Variants in MROH2A observed in about 807,000 individuals in gnomAD.
The protein encoded by MROH2A is maestro heat like repeat family member 2A.
A neutral mutation model predicts 200.4 loss-of-function variants in MROH2A; 174 were observed. That is an observed-to-expected ratio of 0.87 (90% CI 0.77 to 0.98). The LOEUF (loss-of-function observed/expected upper bound fraction) is 0.98. Ranked by LOEUF, MROH2A falls within the 50% of genes least tolerant of loss-of-function variation. MROH2A has a pLI of 0.00. For missense variants in MROH2A, 2,045 were observed against 2,139.6 expected, an observed-to-expected ratio of 0.96 and a Z score of 0.87; for synonymous variants, 829 against 840.4, an observed-to-expected ratio of 0.99 and a Z score of 0.23.
chr2:233,816,884 G>C lies in MROH2A; in HGVS notation c.2960G>C (p.Cys987Ser). 1 of 1,534,818 alleles carries C rather than the reference G, an allele frequency of 6.5e-7. No individual in the cohort carries two copies. Among genetic ancestry groups the C allele is most frequent in the Non-Finnish European group, 8.8e-7 (1 of 1,133,028 alleles). The change falls in exon 27 of 42, where the codon TGT becomes TCT. Residue 987 changes from cysteine (C) to serine (S), a missense_variant and splice_region_variant. Physicochemically the swap from Cys to Ser is moderately radical, Grantham distance 112. This residue lies in a region of MROH2A where 1,201 missense variants were observed against 1,311.3 expected (regional missense o/e 0.92). Coordinates refer to ENST00000389758, the MANE Select transcript of MROH2A (RefSeq NM_001394639.1). ...MWIYVHSTAVCIHLKLGQFGT... is the reference protein window; with the variant it reads ...MWIYVHSTAVSIHLKLGQFGT... ...ATTTATGTCCACAGCACTGCTGTCT[G>C]TGTGAGTCCAGGAGTCCCCAGCCCC...
rs755188300 is a variant in MROH2A at position 233,820,889 on chromosome 2, G to C, written c.3512+833G>C. On this transcript the variant is annotated intron_variant, in intron 31 of 41. Transcript: ENST00000389758. The surrounding 1 kb of genome is among the most constrained non-coding windows in gnomAD (Gnocchi z 4.1). Reference sequence around the variant, plus strand: ...TGCTTCTCATAAGGGCAGCCCTGCCGTGGGTCCAGCTGGGAGGGTGGTGCA... The same window carrying C: ...TGCTTCTCATAAGGGCAGCCCTGCCCTGGGTCCAGCTGGGAGGGTGGTGCA... Among the ~76,000 whole-genome samples, 9 of 152,200 alleles carry C rather than the reference G, an allele frequency of 5.9e-5. No homozygotes were observed. Among genetic ancestry groups the C allele is most frequent in the Non-Finnish European group, 8.8e-5 (6 of 68,040 alleles).
chr2:233,798,857 G>A lies in MROH2A; in HGVS notation c.1329+7G>A. On this transcript the variant is annotated splice_region_variant and intron_variant, in intron 12 of 41. Transcript: ENST00000389758. ...CTCTGATACCCGGTCCAAGGTAACAGGGCAGAGACCTGGAAATGGGGGGCA... is the reference window on the plus strand; with the variant it reads ...CTCTGATACCCGGTCCAAGGTAACAAGGCAGAGACCTGGAAATGGGGGGCA... 1 of 1,549,598 alleles carries A rather than the reference G, an allele frequency of 6.5e-7. No individual in the cohort carries two copies. Among genetic ancestry groups the A allele is most frequent in the Non-Finnish European group, 8.7e-7 (1 of 1,146,150 alleles).
Position 233,802,158 on chromosome 2 carries a change from C to T in MROH2A, c.1561-10C>T. On this transcript the variant is annotated splice_polypyrimidine_tract_variant and intron_variant, in intron 14 of 41. Coordinates refer to ENST00000389758, the MANE Select transcript of MROH2A (RefSeq NM_001394639.1). Reference sequence around the variant, plus strand: ...ATTCTGAGCCCCTTTCTCTCCCACCCCTACCCCAGGAGTTTTGGGTGAGGC... The same window carrying T: ...ATTCTGAGCCCCTTTCTCTCCCACCTCTACCCCAGGAGTTTTGGGTGAGGC... 2 of 1,547,506 alleles carry T rather than the reference C, an allele frequency of 1.3e-6. No homozygotes were observed. Among genetic ancestry groups the T allele is most frequent in the Non-Finnish European group, 1.7e-6 (2 of 1,144,824 alleles).
At chr2:233,790,112 T>A (rs1701624356) in intron 5 of MROH2A, 98 bp downstream of exon 5, 1 of 1,141,094 alleles carries the variant, frequency 8.8e-7, no homozygotes, top group Non-Finnish European at 1.2e-6. Context: ...CTCTTCCTCT[T>A]ACCTTTCATT....
intron 9 of MROH2A, 64 bp downstream of exon 9, chr2:233,795,809 C>A: frequency 1.9e-6 from 3 of 1,550,156 alleles, no homozygotes; most frequent in Non-Finnish European, 2.6e-6. Flanking sequence ...AAGCTGGCGG[C>A]GGGAGGTGGC....
chr2:233,813,629 C>T (rs748221071), intron 24 of MROH2A, 41 bp from the exon 25 acceptor site: 1 of 1,301,728 alleles, frequency 7.7e-7, no homozygotes, highest in African/African-American at 1.5e-5. Flanking sequence ...AAGCTCAACT[C>T]CCCAATGACT....
rs1701354308 is a variant in MROH2A at position 233,787,778 on chromosome 2, TATATATATCATATATA to T, written c.277-1710_277-1695del. ...ATATATATCATATATACATATATAT[TATATATATCATATATA>T]ATATATATTATATATATTATATATA... On this transcript the variant is annotated intron_variant, in intron 3 of 41. Transcript: ENST00000389758. Among the ~76,000 whole-genome samples the T allele has an allele frequency of 1.5e-3, 25 of 16,892 alleles. 9 individuals are homozygous for T. Among genetic ancestry groups the T allele is most frequent in the African/African-American group, 6.9e-3 (21 of 3,046 alleles). 11.1% of individuals were successfully genotyped at this position (16,892 alleles called of 152,430 possible). A position where few individuals can be genotyped will look rare whatever the true frequency, so the allele number is the denominator to read the frequency against.
At chr2:233,783,427 C>T (rs935987785) in intron 3 of MROH2A, among the ~76,000 whole-genome samples, 1 of 152,114 alleles carries the variant, frequency 6.6e-6, no homozygotes, top group African/African-American at 2.4e-5. Context: ...TTTTCTATTT[C>T]TTCGTTGTTC....
rs1703889242 is a variant in MROH2A at position 233,820,864 on chromosome 2, T to C, written c.3512+808T>C. 6.6e-6 allele frequency among the ~76,000 whole-genome samples: 1 copy of C among 152,188 alleles called. No homozygotes were observed. The highest frequency in any genetic ancestry group is 2.1e-4 in the South Asian group (1 of 4,828). On this transcript the variant is annotated intron_variant, in intron 31 of 41. Coordinates refer to ENST00000389758, the MANE Select transcript of MROH2A (RefSeq NM_001394639.1). This position sits in a 1 kb window ranked among gnomAD's most constrained non-coding sequence, Gnocchi z 4.1. Reference sequence around the variant, plus strand: ...TGCAGGCATGACTCCCCTGTGGAGCTGCTTCTCATAAGGGCAGCCCTGCCG... The same window carrying C: ...TGCAGGCATGACTCCCCTGTGGAGCCGCTTCTCATAAGGGCAGCCCTGCCG...
intron 13 of MROH2A, 88 bp from the exon 14 acceptor site, chr2:233,800,117 A>G: frequency 1.8e-6 from 2 of 1,102,296 alleles, no homozygotes; most frequent in East Asian, 2.6e-5. Flanking sequence ...CTGGGCATGG[A>G]GCCCCTGGGG....
chr2:233,799,155 T>C (rs930060965), intron 12 of MROH2A, among the ~76,000 whole-genome samples: 6 of 152,128 alleles, frequency 3.9e-5, no homozygotes, highest in Non-Finnish European at 7.4e-5. Context: ...GTGAGGTCTT[T>C]ATCGCATGTG....
intron 12 of MROH2A, among the ~76,000 whole-genome samples, 196 bp downstream of exon 12, chr2:233,799,046 C>A (rs574061363): frequency 3.3e-5 from 5 of 152,300 alleles, no homozygotes; most frequent in African/African-American, 1.2e-4. Flanking sequence ...CTCCATGGAT[C>A]TAGAGTTTTT....
At position 233,792,384 on chromosome 2, in the gene MROH2A, C is replaced by T. The variant is rs564930195; in HGVS notation, c.572-412C>T. Among the ~76,000 whole-genome samples, 5 of 151,276 alleles carry T rather than the reference C, an allele frequency of 3.3e-5. No individual in the cohort carries two copies. In the South Asian group the frequency reaches 1.0e-3, roughly 32 times the overall value. On this transcript the variant is annotated intron_variant, in intron 5 of 41. Coordinates refer to ENST00000389758, the MANE Select transcript of MROH2A (RefSeq NM_001394639.1). ...CTGGAGTGCAGTGGCGCGATCTCGG[C>T]TCACTGCAAGCTCCGCCTCCCGGGT...
At position 233,779,748 on chromosome 2, in the gene MROH2A, C is replaced by G. The variant is rs201714498; in HGVS notation, c.172C>G (p.Leu58Val). 6.4e-7 allele frequency: 1 copy of G among 1,551,082 alleles called. No individual in the cohort carries two copies. The highest frequency in any genetic ancestry group is 8.7e-7 in the Non-Finnish European group (1 of 1,147,104). Residue 58 changes from leucine (L) to valine (V), a missense_variant, in exon 3 of 42, where the codon CTT becomes GTT. By Grantham distance (32) the Leu-to-Val change is conservative (BLOSUM62 1). Coordinates refer to ENST00000389758, the MANE Select transcript of MROH2A (RefSeq NM_001394639.1). ...AAAGACGGACACAACAGGGGCAGGC[C>G]TTGACATGCGGAAGACCCTGGCCTC... The part of the protein sequence containing the change: ...SAKTDTTGAG[L>V]DMRKTLASVI...
At position 233,807,424 on chromosome 2, in the gene MROH2A, G is replaced by T. The variant is rs1303266141; in HGVS notation, c.2054G>T (p.Gly685Val). ...CCTTCCTCCCTTCTGCCTCTCCAGG[G>T]CTTTCTGTACCGGGCCTTGGGCTTC... ...ASFDSPSLEKGFLYRALGFTL... is the reference protein window; with the variant it reads ...ASFDSPSLEKVFLYRALGFTL... Residue 685 changes from glycine to valine, a missense_variant and splice_region_variant, in exon 20 of 42, where the codon GGC becomes GTC. Physicochemically the swap from Gly to Val is moderately radical, Grantham distance 109. Around this residue, in one of 3 missense-constraint regions of MROH2A, gnomAD observed 1,201 missense variants for 1,311.3 expected, o/e 0.92. Transcript: ENST00000389758. This position sits in a 1 kb window ranked among gnomAD's most constrained non-coding sequence, Gnocchi z 4.3. 6.5e-7 allele frequency: 1 copy of T among 1,550,030 alleles called. No homozygotes were observed. The highest frequency in any genetic ancestry group is 1.4e-5 in the African/African-American group (1 of 73,044).
In MROH2A at chr2:233,787,435, G is replaced by A. The variant is rs1559434901; in HGVS notation, c.277-2062G>A. ...CACACACACACACACACACACATAT[G>A]TATATACATATACATATATATTATA... On this transcript the variant is annotated intron_variant, in intron 3 of 41. Coordinates refer to ENST00000389758, the MANE Select transcript of MROH2A (RefSeq NM_001394639.1). Among the ~76,000 whole-genome samples, 48 of 130,854 alleles carry A rather than the reference G, an allele frequency of 3.7e-4. 2 individuals are homozygous for A. Among genetic ancestry groups the A allele is most frequent in the Admixed American group, 2.6e-3 (29 of 11,372 alleles). The allele number at this position is 130,854 out of a possible 152,430, so 85.8% of individuals were successfully genotyped here.
chr2:233,779,299 G>A (rs1559427421), intron 1 of MROH2A, 46 bp from the exon 2 acceptor site: 1 of 1,233,966 alleles, frequency 8.1e-7, no homozygotes. Flanking sequence ...TCATCTTAAG[G>A]TGTGTGTCAC....
At chr2:233,817,018 C>A in intron 27 of MROH2A, 133 bp downstream of exon 27, 1 of 597,596 alleles carries the variant, frequency 1.7e-6, no homozygotes, top group Non-Finnish European at 2.9e-6. Context: ...GGAGAGGCTG[C>A]AGTGACCTAG....
chr2:233,824,706 T>G lies in MROH2A; in HGVS notation c.4113+1042T>G, dbSNP rs151257036. Among the ~76,000 whole-genome samples the G allele has an allele frequency of 4.7e-4, 72 of 152,332 alleles. 1 individual carries two copies. The East Asian group carries it at 0.014, about 29-fold the overall frequency. Reference sequence around the variant, plus strand: ...AAAGCAGTGCCTTCTTTTCAGGGCTTTGGTGAGAGCTAAATGAGATAGACC... The same window carrying G: ...AAAGCAGTGCCTTCTTTTCAGGGCTGTGGTGAGAGCTAAATGAGATAGACC... On this transcript the variant is annotated intron_variant, in intron 35 of 41. Coordinates refer to ENST00000389758, the MANE Select transcript of MROH2A (RefSeq NM_001394639.1).
Sources: allele counts gnomAD v4.1 joint callset (sites outside exome capture counted in the v4.1 genomes callset), GRCh38; gene constraint gnomAD v4.1.1; regional missense constraint gnomAD v4.1.1; non-coding constraint Gnocchi (gnomAD v3.1); transcripts MANE v1.5; gene names NCBI Gene and HGNC (gene_info 2026-07-23, HGNC 2026-07-21).